XKR5: variants seen among roughly 807,000 people sequenced by gnomAD.
XKR5 encodes XK-related protein 5.
XKR5 carries 46 observed loss-of-function variants against 40.8 expected under a neutral mutation model. That is an observed-to-expected ratio of 1.13 (90% CI 0.89 to 1.44). The LOEUF (loss-of-function observed/expected upper bound fraction) is 1.44, where lower values mean the gene tolerates loss of function less well. Ranked by LOEUF, XKR5 falls within the 40% of genes most tolerant of loss-of-function variation. The pLI, the probability that XKR5 is intolerant of heterozygous loss-of-function variation, is 0.00. For synonymous variants in XKR5, 466 were observed against 356.1 expected (o/e 1.31, Z -3.48); for missense variants, 1,169 against 844.7 (o/e 1.38, Z -4.76).
rs3888919 is a variant in XKR5 at position 6,809,718 on chromosome 8, T to C, written c.*1480A>G. On this transcript the variant is annotated 3_prime_UTR_variant, in exon 7 of 7. Coordinates refer to ENST00000618742, the MANE Select transcript of XKR5 (RefSeq NM_207411.5). ...GCTTATTGCAGAAAGTGTCTGCAGG[T>C]GCCCTTAGTATGTGTCAGGCTGAGC... 0.22 allele frequency: 33,338 copies of C among 152,200 alleles called. 3,842 individuals carry two copies. Among genetic ancestry groups the C allele is most frequent in the East Asian group, 0.31 (1,618 of 5,170 alleles). The allele number at this position is 152,200 out of a possible 1,614,324, so 9.4% of individuals were successfully genotyped here.
chr8:6,811,080 C>T lies in XKR5; in HGVS notation c.*118G>A, dbSNP rs1306883313. 32 of 1,028,504 alleles carry T rather than the reference C, an allele frequency of 3.1e-5. 1 individual carries two copies. The highest frequency in any genetic ancestry group is 4.1e-5 in the Non-Finnish European group (30 of 729,560). 63.7% of individuals were successfully genotyped at this position (1,028,504 alleles called of 1,614,324 possible). On this transcript the variant is annotated 3_prime_UTR_variant, in exon 7 of 7. Coordinates refer to ENST00000618742, the MANE Select transcript of XKR5 (RefSeq NM_207411.5). ...TTTTTCAGGGATGCAGATGGAGATT[C>T]AGAGGTGACAGTGATGTGCCCAAGG... is the stretch of plus-strand genomic sequence containing the variant.
At position 6,811,716 on chromosome 8, in the gene XKR5, C is replaced by T; in HGVS notation, c.1543G>A (p.Gly515Arg). Residue 515 changes from glycine to arginine, a missense_variant, in exon 7 of 7, where the codon GGA becomes AGA. By Grantham distance (125) the Gly-to-Arg change is moderately radical. Transcript: ENST00000618742. ...TGTGTCCCAGAAACAGCGTCAGCTC[C>T]TTCCTTTGGGGTGCCCTCCCCCTGC... ...ATQGEGTPKEGADAVSGTQGK... is the reference protein window; with the variant it reads ...ATQGEGTPKERADAVSGTQGK... The T allele has an allele frequency of 6.5e-7, 1 of 1,537,666 alleles. No homozygotes were observed. Among genetic ancestry groups the T allele is most frequent in the Non-Finnish European group, 8.7e-7 (1 of 1,147,020 alleles).
At position 6,828,578 on chromosome 8, in the gene XKR5, T is replaced by A. The variant is rs532614834; in HGVS notation, c.243-3229A>T. The stretch of plus-strand genomic sequence containing the variant: ...AGCCGGGGAGGAAGCTGAGGCGGGA[T>A]GGAGAGCGTGGGGATTTGGTCACTA... On this transcript the variant is annotated intron_variant, in intron 2 of 6. Transcript: ENST00000618742. Among the ~76,000 whole-genome samples, 278 of 152,302 alleles carry A rather than the reference T, an allele frequency of 1.8e-3. 1 individual carries two copies. The highest frequency in any genetic ancestry group is 4.1e-3 in the African/African-American group (169 of 41,578).
At chr8:6,832,952 TG>T in intron 1 of XKR5, 52 bp from the exon 2 acceptor site, 1 of 1,432,474 alleles carries the variant, frequency 7.0e-7, no homozygotes, top group South Asian at 1.5e-5. Flanking sequence ...GGAGTGAGAC[TG>T]GGTACCTGCA....
At chr8:6,830,862 T>C (rs1587202082) in intron 2 of XKR5, among the ~76,000 whole-genome samples, 1 of 152,170 alleles carries the variant, frequency 6.6e-6, no homozygotes, top group Admixed American at 6.5e-5. Flanking sequence ...GGAAAGACAG[T>C]GTGGGGTCCA....
chr8:6,811,461 G>A lies in XKR5; in HGVS notation c.1798C>T (p.Pro600Ser). ...PFPDTMADIS[P>S]ILGTGPCRGF... is the part of the protein sequence containing the mutation. ...CTACATGGGCCTGTGCCTAGGATGG[G>A]GCTAATGTCGGCCATGGTGTCGGGG... The change falls in exon 7 of 7, where the codon CCC (proline) becomes TCC (serine). Residue 600 changes from proline to serine, a missense_variant. Physicochemically the swap from Pro to Ser is moderately conservative, Grantham distance 74. Transcript: ENST00000618742. 2.6e-6 allele frequency: 4 copies of A among 1,532,422 alleles called. No individual in the cohort carries two copies. The highest frequency in any genetic ancestry group is 1.2e-5 in the South Asian group (1 of 83,372). The allele number at this position is 1,532,422 out of a possible 1,614,324, so 94.9% of individuals were successfully genotyped here.
chr8:6,831,885 C>T (rs1008625026), intron 2 of XKR5, among the ~76,000 whole-genome samples: 7 of 151,958 alleles, frequency 4.6e-5, no homozygotes, highest in Non-Finnish European at 7.4e-5. Context: ...CATGGTGGCA[C>T]GTGCCTGTAG....
chr8:6,821,629 C>T (rs909790297), intron 5 of XKR5, among the ~76,000 whole-genome samples: 1 of 152,136 alleles, frequency 6.6e-6, no homozygotes, highest in Non-Finnish European at 1.5e-5. Flanking sequence ...ACCAAATATG[C>T]CTCAGTTGTT....
intron 2 of XKR5, among the ~76,000 whole-genome samples, chr8:6,830,653 T>C (rs1804724405): frequency 6.6e-6 from 1 of 152,220 alleles, no homozygotes; most frequent in Admixed American, 6.5e-5. Context: ...TTTAAGGATG[T>C]GTATTTTTAA....
In XKR5 at chr8:6,810,946, C is replaced by A; in HGVS notation, c.*252G>T. The A allele has an allele frequency of 2.9e-6, 1 of 346,490 alleles. No homozygotes were observed. Among genetic ancestry groups the A allele is most frequent in the Admixed American group, 4.4e-5 (1 of 22,948 alleles). 21.5% of individuals were successfully genotyped at this position (346,490 alleles called of 1,614,324 possible). ...CATAAAAGGTAGCAGACAATTTTGA[C>A]TGGAATCTCTTTCTCCTCCTCTAAA... On this transcript the variant is annotated 3_prime_UTR_variant, in exon 7 of 7. Transcript: ENST00000618742.
At chr8:6,823,859 G>A (rs1237139270) in intron 3 of XKR5, 129 bp from the exon 4 acceptor site, 1 of 784,778 alleles carries the variant, frequency 1.3e-6, no homozygotes, top group Non-Finnish European at 2.1e-6. Context: ...TGCACAGAGA[G>A]TATTACTAAC....
In XKR5 at chr8:6,808,805, T is replaced by G. The variant is rs1803549777; in HGVS notation, c.*2393A>C. The G allele has an allele frequency of 6.6e-6, 1 of 152,156 alleles. No homozygotes were observed. Among genetic ancestry groups the G allele is most frequent in the Non-Finnish European group, 1.5e-5 (1 of 68,038 alleles). The allele number at this position is 152,156 out of a possible 1,614,324, so 9.4% of individuals were successfully genotyped here. A position where few individuals can be genotyped will look rare whatever the true frequency, so the allele number is the denominator to read the frequency against. On this transcript the variant is annotated 3_prime_UTR_variant, in exon 7 of 7. Coordinates refer to ENST00000618742, the MANE Select transcript of XKR5 (RefSeq NM_207411.5). ...AGAAAGTTTGAAAAGAATGAGCAAA[T>G]TCCCCATATCCCACCCTTACTTTTA...
In XKR5 at chr8:6,812,244, C is replaced by T. The variant is rs1462136396; in HGVS notation, c.1015G>A (p.Gly339Ser). The change falls in exon 7 of 7, where the codon GGT becomes AGT. Residue 339 changes from glycine (G) to serine (S), a missense_variant. Coordinates refer to ENST00000618742, the MANE Select transcript of XKR5 (RefSeq NM_207411.5). The stretch of plus-strand genomic sequence containing the variant: ...GAATCTCTTCTCTCTGTTTTATCAC[C>T]TCCTGCAATGCCACAGGACTTCCTT... The part of the protein sequence containing the change: ...CLRKSCGIAG[G>S]DKTERRDSPR... 6.4e-7 allele frequency: 1 copy of T among 1,552,872 alleles called. No homozygotes were observed. Among genetic ancestry groups the T allele is most frequent in the Admixed American group, 2.0e-5 (1 of 51,206 alleles).
chr8:6,832,671 A>T lies in XKR5; in HGVS notation c.242+46T>A, dbSNP rs569848461. The stretch of plus-strand genomic sequence containing the variant: ...ATGGAGAGAAGATTCCTCTCACTGC[A>T]CTTGTGCAATTGTGCTCCAGAGGTG... On this transcript the variant is annotated intron_variant, in intron 2 of 6. Transcript: ENST00000618742. 11 of 1,603,654 alleles carry T rather than the reference A, an allele frequency of 6.9e-6. No homozygotes were observed. The South Asian group carries it at 1.0e-4, about 15-fold the overall frequency.
chr8:6,815,696 G>A, intron 6 of XKR5, 111 bp downstream of exon 6: 1 of 707,224 alleles, frequency 1.4e-6, no homozygotes, highest in Non-Finnish European at 2.4e-6. Context: ...CTGGTTCCTT[G>A]GTCTCCAGTT....
Position 6,809,276 on chromosome 8 carries a change from A to C in XKR5, c.*1922T>G, listed in dbSNP as rs1803576146. 1 of 148,950 alleles carries C rather than the reference A, an allele frequency of 6.7e-6. No homozygotes were observed. Among genetic ancestry groups the C allele is most frequent in the Non-Finnish European group, 1.5e-5 (1 of 67,604 alleles). The allele number at this position is 148,950 out of a possible 1,614,324, so 9.2% of individuals were successfully genotyped here. On this transcript the variant is annotated 3_prime_UTR_variant, in exon 7 of 7. Transcript: ENST00000618742. Reference sequence around the variant, plus strand: ...GGATAGCACAGTGAATGGAACTATGAATGATTTTGTTCTATTAACAAGCTT... The same window carrying C: ...GGATAGCACAGTGAATGGAACTATGCATGATTTTGTTCTATTAACAAGCTT...
Position 6,832,827 on chromosome 8 carries a change from C to T in XKR5, c.132G>A (p.Leu44=), listed in dbSNP as rs371623116. ...TCAGGGCCTGGACCAAGAACCCGGG[C>T]AGGAGGACAGCAAGGGCCAGCCACC... ...LWGWLALAVL[L]PGFLVQALSY... The change falls in exon 2 of 7, where the codon CTG becomes CTA. Residue 44 remains leucine, a synonymous_variant. Transcript: ENST00000618742. The T allele has an allele frequency of 4.8e-5, 78 of 1,611,902 alleles. No individual in the cohort carries two copies. In the African/African-American group the frequency reaches 1.0e-3, roughly 21 times the overall value.
At chr8:6,821,763 T>G in intron 5 of XKR5, 106 bp downstream of exon 5, 1 of 917,738 alleles carries the variant, frequency 1.1e-6, no homozygotes, top group Non-Finnish European at 1.6e-6. Flanking sequence ...TTTCAATAGA[T>G]AGGTGTGCAT....
Position 6,832,580 on chromosome 8 carries a change from T to C in XKR5, c.242+137A>G, listed in dbSNP as rs576198984. On this transcript the variant is annotated intron_variant, in intron 2 of 6. Coordinates refer to ENST00000618742, the MANE Select transcript of XKR5 (RefSeq NM_207411.5). Reference sequence around the variant, plus strand: ...GGGCATGCCAATATCAGAGCAGGGGTTTGCTGTGGCCGCTTTGAACCTCTT... The same window carrying C: ...GGGCATGCCAATATCAGAGCAGGGGCTTGCTGTGGCCGCTTTGAACCTCTT... The C allele has an allele frequency of 1.0e-5, 11 of 1,077,266 alleles. No homozygotes were observed. The East Asian group carries it at 1.6e-4, about 16-fold the overall frequency. 66.7% of individuals were successfully genotyped at this position (1,077,266 alleles called of 1,614,324 possible).
Sources: gnomAD v4.1 joint callset for allele counts (sites outside exome capture counted in the v4.1 genomes callset) on GRCh38, gnomAD v4.1.1 for gene constraint, MANE v1.5 for transcripts, NCBI Gene and HGNC (gene_info 2026-07-23, HGNC 2026-07-21) for gene names.